The following EFNA5 variants were observed in gnomAD, a reference collection of about 807,000 sequenced individuals.
EFNA5 encodes ephrin-A5.
A neutral mutation model predicts 22.9 loss-of-function variants in EFNA5; 5 were observed. The ratio of observed to expected loss-of-function variants is 0.22; its 90% CI spans 0.11 to 0.46. EFNA5 has a LOEUF of 0.46. EFNA5 is among the 20% of genes least tolerant of loss of function. The pLI is 0.99. For missense variants in EFNA5, 237 were observed against 293.3 expected, an observed-to-expected ratio of 0.81 and a Z score of 1.40; for synonymous variants, 113 against 112.2, an observed-to-expected ratio of 1.01 and a Z score of -0.04.
chr5:107,653,030 G>A (rs1011286697), intron 1 of EFNA5, among the ~76,000 whole-genome samples: 2 of 152,096 alleles, frequency 1.3e-5, no homozygotes, highest in Non-Finnish European at 2.9e-5. Context: ...CCAAGAGAGT[G>A]TGTAATCCGA....
At chr5:107,589,438 G>A (rs941542280) in intron 1 of EFNA5, among the ~76,000 whole-genome samples, 4 of 151,988 alleles carry the variant, frequency 2.6e-5, no homozygotes, top group African/African-American at 7.3e-5. Flanking sequence ...GAATTAAGCG[G>A]CTTCCAAAAA....
intron 2 of EFNA5, among the ~76,000 whole-genome samples, chr5:107,412,218 C>T (rs975630299): frequency 6.6e-6 from 1 of 152,142 alleles, no homozygotes. Context: ...TATCTTGTGT[C>T]TCCGTGGTGT....
intron 1 of EFNA5, among the ~76,000 whole-genome samples, chr5:107,629,882 C>T (rs1047478090): frequency 2.0e-5 from 3 of 151,994 alleles, no homozygotes; most frequent in Admixed American, 2.0e-4. Context: ...CATGGTGATA[C>T]CCCGCTTCTA....
rs543381440 is a variant in EFNA5 at position 107,540,305 on chromosome 5, T to C, written c.126-112796A>G. Among the ~76,000 whole-genome samples the C allele has an allele frequency of 2.0e-5, 3 of 152,290 alleles. No homozygotes were observed. In the East Asian group the frequency reaches 5.8e-4, roughly 29 times the overall value. ...TCTAATGTATAATCTAAAACCAGAT[T>C]GAGAATGCATGACAAAACCTGTTTA... On this transcript the variant is annotated intron_variant, in intron 1 of 4. Transcript: ENST00000333274.
intron 1 of EFNA5, among the ~76,000 whole-genome samples, chr5:107,522,991 A>C (rs1338697781): frequency 6.6e-6 from 1 of 152,178 alleles, no homozygotes; most frequent in Non-Finnish European, 1.5e-5. Flanking sequence ...AGACTATTTA[A>C]TTTCCACTGA....
At chr5:107,627,733 T>C (rs554034746) in intron 1 of EFNA5, among the ~76,000 whole-genome samples, 32 of 151,988 alleles carry the variant, frequency 2.1e-4, no homozygotes, top group Non-Finnish European at 3.1e-4. Context: ...TTAAGTGTAA[T>C]CTTTCATTTG....
chr5:107,559,352 C>G (rs903514639), intron 1 of EFNA5, among the ~76,000 whole-genome samples: 3 of 152,156 alleles, frequency 2.0e-5, no homozygotes, highest in Non-Finnish European at 4.4e-5. Flanking sequence ...ATATATCTGT[C>G]TAGCGAAAAA....
intron 2 of EFNA5, among the ~76,000 whole-genome samples, chr5:107,412,748 T>C (rs1748403555): frequency 6.6e-6 from 1 of 152,160 alleles, no homozygotes. Flanking sequence ...TATTTCTTCA[T>C]CCTCACCACT....
intron 1 of EFNA5, among the ~76,000 whole-genome samples, chr5:107,471,769 C>G (rs764194573): frequency 6.6e-5 from 10 of 152,130 alleles, no homozygotes; most frequent in Non-Finnish European, 1.5e-4. Context: ...GGTGATCCAT[C>G]CACATGTGAA....
chr5:107,424,425 C>T (rs1279247652), intron 2 of EFNA5, among the ~76,000 whole-genome samples: 5 of 150,828 alleles, frequency 3.3e-5, no homozygotes, highest in African/African-American at 1.2e-4. Flanking sequence ...ACTCTCTTGG[C>T]CAGGCTGGTC....
chr5:107,465,767 T>A (rs891293280), intron 1 of EFNA5, among the ~76,000 whole-genome samples: 1 of 152,036 alleles, frequency 6.6e-6, no homozygotes, highest in Non-Finnish European at 1.5e-5. Flanking sequence ...ACTGCCATGG[T>A]GTCTTAGTAT....
intron 1 of EFNA5, among the ~76,000 whole-genome samples, chr5:107,481,657 T>C (rs1750464777): frequency 6.6e-6 from 1 of 151,880 alleles, no homozygotes; most frequent in Non-Finnish European, 1.5e-5. Context: ...GAGACCAGCC[T>C]GGCCAACATG....
At chr5:107,476,735 TTCTCTCTCTCTC>T (rs34563371) in intron 1 of EFNA5, among the ~76,000 whole-genome samples, 1 of 148,122 alleles carries the variant, frequency 6.8e-6, no homozygotes, top group Admixed American at 6.8e-5. Flanking sequence ...TTTTTTCTCT[TTCTCTCTCTCTC>T]TCTCTCTCTC....
chr5:107,495,184 T>C (rs1244351382), intron 1 of EFNA5, among the ~76,000 whole-genome samples: 2 of 152,134 alleles, frequency 1.3e-5, no homozygotes, highest in African/African-American at 4.8e-5. Context: ...TGCTCACTCT[T>C]TGGGTCCACA....
At chr5:107,384,767 C>CA (rs1747567109) in intron 4 of EFNA5, among the ~76,000 whole-genome samples, 1 of 108,744 alleles carries the variant, frequency 9.2e-6, no homozygotes, top group African/African-American at 3.7e-5. Context: ...ACACACACCA[C>CA]ATTTTTTTTT....
chr5:107,656,023 C>G (rs1250006855), intron 1 of EFNA5, among the ~76,000 whole-genome samples: 1 of 152,182 alleles, frequency 6.6e-6, no homozygotes, highest in Non-Finnish European at 1.5e-5. Flanking sequence ...GACAGCCCAG[C>G]TGCCCGTAAG....
intron 1 of EFNA5, among the ~76,000 whole-genome samples, chr5:107,479,745 T>C (rs1019578959): frequency 3.9e-5 from 6 of 152,184 alleles, no homozygotes; most frequent in Non-Finnish European, 7.4e-5. Context: ...GGCATTTTGC[T>C]AAGAGCTTTC....
At chr5:107,470,395 T>C (rs146282989) in intron 1 of EFNA5, among the ~76,000 whole-genome samples, 41 of 152,322 alleles carry the variant, frequency 2.7e-4, no homozygotes, top group Non-Finnish European at 5.0e-4. Flanking sequence ...GATGATGAAG[T>C]ATATCCAAGG....
At chr5:107,566,453 T>C (rs1748669269) in intron 1 of EFNA5, among the ~76,000 whole-genome samples, 1 of 152,202 alleles carries the variant, frequency 6.6e-6, no homozygotes, top group Non-Finnish European at 1.5e-5. Flanking sequence ...TGGAGATGGT[T>C]TCCAGCTCGC....
Sources: gnomAD v4.1 joint callset for allele counts (sites outside exome capture counted in the v4.1 genomes callset) on GRCh38, gnomAD v4.1.1 for gene constraint, MANE v1.5 for transcripts, NCBI Gene and HGNC (gene_info 2026-07-23, HGNC 2026-07-21) for gene names.